The following SP140L variants were observed in gnomAD, a reference collection of about 807,000 sequenced individuals.
SP140L encodes nuclear body protein SP140-like protein.
SP140L carries 64 observed loss-of-function variants against 84.3 expected under a neutral mutation model. That is an observed-to-expected ratio of 0.76 (90% CI 0.62 to 0.94). The LOEUF (loss-of-function observed/expected upper bound fraction) is 0.94. Among genes scored for constraint, SP140L ranks in the 40% least tolerant of loss-of-function variants. The pLI is 0.00. For synonymous variants in SP140L, 242 were observed against 236.9 expected (o/e 1.02, Z -0.20); for missense variants, 628 against 692.5 (o/e 0.91, Z 1.05).
At chr2:230,354,929 AAAG>A (rs944473329) in intron 2 of SP140L, among the ~76,000 whole-genome samples, 12 of 150,792 alleles carry the variant, frequency 8.0e-5, no homozygotes, top group African/African-American at 2.4e-4. Flanking sequence ...AAGAAAGAAA[AAAG>A]AAAAAGAAAA....
intron 2 of SP140L, among the ~76,000 whole-genome samples, chr2:230,331,359 T>A (rs1418998194): frequency 6.6e-6 from 1 of 152,310 alleles, no homozygotes; most frequent in South Asian, 2.1e-4. Context: ...GTTTCAGGCA[T>A]CCGCTGGGGA....
rs1385777962 is a variant in SP140L, at chr2:230,400,111, CTG to C, written c.1198-14_1198-13del. The C allele has an allele frequency of 1.2e-6, 2 of 1,613,638 alleles. No homozygotes were observed. Among genetic ancestry groups the C allele is most frequent in the Non-Finnish European group, 1.7e-6 (2 of 1,179,732 alleles). On this transcript the variant is annotated splice_polypyrimidine_tract_variant and intron_variant, in intron 14 of 18. Coordinates refer to ENST00000415673, the MANE Select transcript of SP140L (RefSeq NM_138402.6). ...CTTGTGATTCCCAGTGACGTGGACA[CTG>C]TTTTACCTTCTAGATGAGAAACTTG...
intron 2 of SP140L, among the ~76,000 whole-genome samples, chr2:230,340,887 G>A (rs1368185479): frequency 2.7e-5 from 4 of 148,456 alleles, no homozygotes; most frequent in Non-Finnish European, 4.5e-5. Flanking sequence ...GCTTCCCTTT[G>A]AGGGTAACCC....
At chr2:230,354,339 T>C (rs1008417039) in intron 2 of SP140L, among the ~76,000 whole-genome samples, 1 of 152,218 alleles carries the variant, frequency 6.6e-6, no homozygotes, top group African/African-American at 2.4e-5. Context: ...CTGTTCATGA[T>C]AAAATTCCCA....
intron 2 of SP140L, among the ~76,000 whole-genome samples, chr2:230,345,022 A>ATCTAAAG (rs1285856906): frequency 6.6e-6 from 1 of 152,154 alleles, no homozygotes; most frequent in Admixed American, 6.5e-5. Context: ...GGTCCATTTG[A>ATCTAAAG]TCTAAAGTCT....
chr2:230,397,018 T>C (rs901883145), intron 14 of SP140L, among the ~76,000 whole-genome samples: 1 of 152,198 alleles, frequency 6.6e-6, no homozygotes, highest in Non-Finnish European at 1.5e-5. Flanking sequence ...GTGGAAACCC[T>C]CCAATATCCT....
At chr2:230,351,461 C>T (rs1235743268) in intron 2 of SP140L, among the ~76,000 whole-genome samples, 1 of 152,146 alleles carries the variant, frequency 6.6e-6, no homozygotes, top group Admixed American at 6.5e-5. Context: ...TTAGTCTTTG[C>T]CTATTAATAT....
In SP140L at chr2:230,335,277, G is replaced by A. The variant is rs971032122; in HGVS notation, c.107+6446G>A. Among the ~76,000 whole-genome samples, 13 of 152,156 alleles carry A rather than the reference G, an allele frequency of 8.5e-5. No individual in the cohort carries two copies. The East Asian group carries it at 2.1e-3, about 25-fold the overall frequency. ...CCTTGTGTTCTGTTTCTGATACCTT[G>A]CTTTAAAACTTAATCTACTTGTCAG... On this transcript the variant is annotated intron_variant, in intron 2 of 18. Coordinates refer to ENST00000415673, the MANE Select transcript of SP140L (RefSeq NM_138402.6).
intron 5 of SP140L, among the ~76,000 whole-genome samples, chr2:230,365,408 T>G (rs1317404156): frequency 6.6e-6 from 1 of 152,092 alleles, no homozygotes; most frequent in Non-Finnish European, 1.5e-5. Flanking sequence ...TTCTTCTAGG[T>G]TATCCAATTC....
chr2:230,401,653 T>C lies in SP140L; in HGVS notation c.1501-11T>C, dbSNP rs2062345982. The C allele has an allele frequency of 8.1e-7, 1 of 1,239,662 alleles. No individual in the cohort carries two copies. The allele number at this position is 1,239,662 out of a possible 1,614,324, so 76.8% of individuals were successfully genotyped here. On this transcript the variant is annotated splice_polypyrimidine_tract_variant and intron_variant, in intron 17 of 18. Coordinates refer to ENST00000415673, the MANE Select transcript of SP140L (RefSeq NM_138402.6). ...TGCTGGTAGCTTTTCCATTGGTATA[T>C]TTGTCACCAGATTAGAGAGGCGTGT...
intron 2 of SP140L, among the ~76,000 whole-genome samples, chr2:230,339,804 T>C (rs1160566297): frequency 2.1e-5 from 3 of 140,812 alleles, no homozygotes; most frequent in Admixed American, 7.0e-5. Context: ...AGTTGAGCGG[T>C]TTTGAGTGAG....
chr2:230,391,956 G>C (rs2061827079), intron 11 of SP140L, 131 bp from the exon 12 acceptor site: 7 of 1,310,800 alleles, frequency 5.3e-6, no homozygotes, highest in Non-Finnish European at 7.4e-6. Flanking sequence ...AAGTCTGAGA[G>C]GGAAGGCCAG....
rs554054513 is a variant in SP140L, at chr2:230,360,311, C to T, written c.439+1179C>T. 9.9e-5 allele frequency among the ~76,000 whole-genome samples: 15 copies of T among 152,112 alleles called. No homozygotes were observed. In the East Asian group the frequency reaches 2.1e-3, roughly 22 times the overall value. ...AGATCAATTGGAGGAAGATGGTGAA[C>T]GGTCTGGAATTGAAAGCTAAGGAAT... On this transcript the variant is annotated intron_variant, in intron 4 of 18. Transcript: ENST00000415673.
chr2:230,402,660 A>C, intron 18 of SP140L, 138 bp from the exon 19 acceptor site: 1 of 671,502 alleles, frequency 1.5e-6, no homozygotes, highest in Non-Finnish European at 2.5e-6. Flanking sequence ...TTTGTACTCC[A>C]AAATACATAC....
chr2:230,391,056 G>A (rs10181779), intron 11 of SP140L, among the ~76,000 whole-genome samples: 33,961 of 152,108 alleles, frequency 0.22, 4,233 homozygotes, highest in Non-Finnish European at 0.29. Flanking sequence ...TATTGTATTA[G>A]TACTTCATTT....
chr2:230,352,903 A>G (rs924878753), intron 2 of SP140L, among the ~76,000 whole-genome samples: 3 of 151,844 alleles, frequency 2.0e-5, no homozygotes, highest in Non-Finnish European at 4.4e-5. Context: ...AGACATTCCT[A>G]TATTGTTTTC....
intron 2 of SP140L, among the ~76,000 whole-genome samples, chr2:230,344,468 C>A (rs1399915973): frequency 6.6e-6 from 1 of 152,148 alleles, no homozygotes; most frequent in African/African-American, 2.4e-5. Flanking sequence ...GGCTCTTTAT[C>A]CAGTTTGCCA....
rs1438493590 is a variant in SP140L at position 230,403,113 on chromosome 2, A to G, written c.*217A>G. On this transcript the variant is annotated 3_prime_UTR_variant, in exon 19 of 19. Transcript: ENST00000415673. ...GGAAGAGGAACTGAGATCACAGGGA[A>G]GGAGATTGGAGGTGATACCAGCACA... The G allele has an allele frequency of 6.1e-6, 3 of 495,082 alleles. No homozygotes were observed. Among genetic ancestry groups the G allele is most frequent in the African/African-American group, 2.0e-5 (1 of 50,092 alleles). 30.7% of individuals were successfully genotyped at this position (495,082 alleles called of 1,614,324 possible). A position where few individuals can be genotyped will look rare whatever the true frequency, so the allele number is the denominator to read the frequency against.
At chr2:230,363,455 A>T (rs1021067475) in intron 5 of SP140L, among the ~76,000 whole-genome samples, 1 of 149,806 alleles carries the variant, frequency 6.7e-6, no homozygotes, top group African/African-American at 2.4e-5. Flanking sequence ...GGTCATTTGT[A>T]TGTGTTCCTT....
Sources: allele counts gnomAD v4.1 joint callset (sites outside exome capture counted in the v4.1 genomes callset), GRCh38; gene constraint gnomAD v4.1.1; transcripts MANE v1.5; gene names NCBI Gene and HGNC (gene_info 2026-07-23, HGNC 2026-07-21).